The following COL24A1 variants were observed in gnomAD, a reference collection of about 807,000 sequenced individuals.
The protein encoded by COL24A1 is collagen alpha-1(XXIV) chain.
A neutral mutation model predicts 253.9 loss-of-function variants in COL24A1; 224 were observed. That is an observed-to-expected ratio of 0.88 (90% CI 0.79 to 0.99). The LOEUF (loss-of-function observed/expected upper bound fraction) is 0.99, where lower values mean the gene tolerates loss of function less well. COL24A1 is among the 50% of genes least tolerant of loss of function. COL24A1 has a pLI of 0.00. For missense variants in COL24A1, 2,131 were observed against 2,068.5 expected (o/e 1.03, Z -0.59); for synonymous variants, 685 against 673.7 (o/e 1.02, Z -0.26).
chr1:86,028,548 T>C (rs1299943829), intron 14 of COL24A1, among the ~76,000 whole-genome samples: 3 of 152,208 alleles, frequency 2.0e-5, no homozygotes, highest in South Asian at 4.1e-4. Flanking sequence ...TCCACCATGA[T>C]TGTAAGTTTC....
Position 85,907,272 on chromosome 1 carries a change from G to A in COL24A1, c.2725-25C>T, listed in dbSNP as rs373055986. Reference sequence around the variant, plus strand: ...CCTATATGTTGTAAATTTAAAGTCAGTTGTAGAATTTACAAGAATACTATC... The same window carrying A: ...CCTATATGTTGTAAATTTAAAGTCAATTGTAGAATTTACAAGAATACTATC... On this transcript the variant is annotated intron_variant, in intron 27 of 59. Transcript: ENST00000370571. The A allele has an allele frequency of 8.8e-6, 14 of 1,593,368 alleles. No homozygotes were observed. The African/African-American group carries it at 9.4e-5, about 11-fold the overall frequency.
intron 4 of COL24A1, among the ~76,000 whole-genome samples, chr1:86,114,347 A>T (rs890766636): frequency 4.6e-5 from 7 of 152,228 alleles, no homozygotes; most frequent in Admixed American, 2.6e-4. Flanking sequence ...GGAGATTCTG[A>T]ACCTGAAGTT....
chr1:86,043,405 G>T (rs1376015248), intron 12 of COL24A1, among the ~76,000 whole-genome samples: 1 of 151,928 alleles, frequency 6.6e-6, no homozygotes, highest in Non-Finnish European at 1.5e-5. Flanking sequence ...AAAATTAAGG[G>T]TAATAGTTGT....
intron 24 of COL24A1, among the ~76,000 whole-genome samples, chr1:85,926,761 A>G (rs1321197939): frequency 6.6e-6 from 1 of 152,134 alleles, no homozygotes; most frequent in Non-Finnish European, 1.5e-5. Context: ...GCGCATGTAT[A>G]CCTATGTAAC....
At chr1:85,848,699 T>C (rs1200808880) in intron 38 of COL24A1, among the ~76,000 whole-genome samples, 1 of 152,196 alleles carries the variant, frequency 6.6e-6, no homozygotes, top group African/African-American at 2.4e-5. Context: ...AACCAACCTG[T>C]TCTATTATTG....
intron 48 of COL24A1, among the ~76,000 whole-genome samples, chr1:85,785,118 AGTC>A (rs1420161664): frequency 6.6e-6 from 1 of 152,170 alleles, no homozygotes; most frequent in East Asian, 1.9e-4. Context: ...GAAAAAGAGT[AGTC>A]TCCTGAAGTG....
At chr1:86,010,856 A>G (rs1160954830) in intron 19 of COL24A1, among the ~76,000 whole-genome samples, 2 of 152,188 alleles carry the variant, frequency 1.3e-5, no homozygotes, top group African/African-American at 2.4e-5. Flanking sequence ...TGTGGTATGT[A>G]ACCTTTTATG....
intron 45 of COL24A1, 28 bp downstream of exon 45, chr1:85,823,508 C>A (rs1282438809): frequency 6.2e-7 from 1 of 1,609,662 alleles, no homozygotes; most frequent in Admixed American, 1.7e-5. Context: ...CAATACATCT[C>A]AAATTGCCTT....
chr1:85,909,217 C>T (rs376569018), intron 26 of COL24A1, among the ~76,000 whole-genome samples: 1 of 151,668 alleles, frequency 6.6e-6, no homozygotes, highest in East Asian at 1.9e-4. Context: ...CTGACAGCAA[C>T]TGGAAATTGC....
At chr1:86,133,259 G>A (rs4317834) in intron 2 of COL24A1, among the ~76,000 whole-genome samples, 146,244 of 152,084 alleles carry the variant, frequency 0.96, 70,485 homozygotes, top group Non-Finnish European at 1. Flanking sequence ...GGGCTGAGAC[G>A]ATGGGGTTTT....
At chr1:85,916,319 A>T (rs1685892861) in intron 24 of COL24A1, among the ~76,000 whole-genome samples, 2 of 152,090 alleles carry the variant, frequency 1.3e-5, no homozygotes, top group Non-Finnish European at 2.9e-5. Context: ...TTTTTACTTC[A>T]TGTAAGTATT....
intron 5 of COL24A1, among the ~76,000 whole-genome samples, chr1:86,105,778 C>T (rs1195053309): frequency 1.3e-5 from 2 of 152,178 alleles, no homozygotes; most frequent in East Asian, 3.8e-4. Context: ...TGAGGGGTCT[C>T]CTCCTGCTGG....
intron 24 of COL24A1, among the ~76,000 whole-genome samples, chr1:85,939,715 T>A (rs1381520074): frequency 1.2e-4 from 19 of 152,166 alleles, no homozygotes; most frequent in Admixed American, 1.2e-3. Flanking sequence ...AAAAAATTTC[T>A]TTAAGTCTAT....
chr1:86,132,489 A>G (rs1649420299), intron 2 of COL24A1, among the ~76,000 whole-genome samples: 2 of 152,038 alleles, frequency 1.3e-5, no homozygotes, highest in South Asian at 4.2e-4. Context: ...TAGGGTTTTT[A>G]TGGTTTTAGG....
intron 47 of COL24A1, among the ~76,000 whole-genome samples, chr1:85,789,234 T>C (rs1670019795): frequency 6.6e-6 from 1 of 152,198 alleles, no homozygotes; most frequent in African/African-American, 2.4e-5. Flanking sequence ...TCTGATTTCC[T>C]TGAGCAGTGT....
At chr1:85,847,126 TA>T (rs1342309706) in intron 39 of COL24A1, among the ~76,000 whole-genome samples, 2 of 152,172 alleles carry the variant, frequency 1.3e-5, no homozygotes, top group Non-Finnish European at 2.9e-5. Context: ...TTTCCTAATA[TA>T]AGAGTTCATA....
At chr1:85,755,793 T>G (rs1666177550) in intron 55 of COL24A1, among the ~76,000 whole-genome samples, 1 of 151,846 alleles carries the variant, frequency 6.6e-6, no homozygotes, top group South Asian at 2.1e-4. Flanking sequence ...AACTATAAAA[T>G]TATTAGAAGC....
chr1:85,827,534 C>T (rs537959563), intron 43 of COL24A1, among the ~76,000 whole-genome samples: 8 of 151,874 alleles, frequency 5.3e-5, no homozygotes, highest in South Asian at 4.2e-4. Flanking sequence ...TGGTAGAATT[C>T]GGCTGTGAAT....
intron 47 of COL24A1, among the ~76,000 whole-genome samples, chr1:85,805,936 C>T (rs184483369): frequency 4.6e-5 from 7 of 152,012 alleles, no homozygotes; most frequent in East Asian, 3.9e-4. Context: ...ATTAGCTGAG[C>T]GTGGTGGCGG....
Sources: allele counts gnomAD v4.1 joint callset (sites outside exome capture counted in the v4.1 genomes callset), GRCh38; gene constraint gnomAD v4.1.1; transcripts MANE v1.5; gene names NCBI Gene and HGNC (gene_info 2026-07-23, HGNC 2026-07-21).